The following SHISA6 variants were observed in gnomAD, a reference collection of about 807,000 sequenced individuals.
The protein encoded by SHISA6 is shisa family member 6, also known as protein shisa-6.
In SHISA6, 22 loss-of-function variants were observed where a neutral mutation model predicts 47.9. That is an observed-to-expected ratio of 0.46 (90% CI 0.33 to 0.66). The LOEUF is 0.66. Among genes scored for constraint, SHISA6 ranks in the 30% least tolerant of loss-of-function variants. SHISA6 has a pLI of 0.02. For synonymous variants in SHISA6, 388 were observed against 337.8 expected (o/e 1.15, Z -1.63); for missense variants, 680 against 764.6 (o/e 0.89, Z 1.30).
At chr17:11,344,431 A>C (rs919967015) in intron 2 of SHISA6, among the ~76,000 whole-genome samples, 6 of 152,146 alleles carry the variant, frequency 3.9e-5, no homozygotes, top group African/African-American at 1.4e-4. Flanking sequence ...TTACTCCTAT[A>C]TCTTATTCAA....
At chr17:11,470,297 CAG>C (rs1481726419) in intron 3 of SHISA6, among the ~76,000 whole-genome samples, 71 of 152,330 alleles carry the variant, frequency 4.7e-4, no homozygotes, top group African/African-American at 1.7e-3. Context: ...TGGACCAACT[CAG>C]AGCATTTCTG....
At chr17:11,384,729 A>T (rs746778786) in intron 3 of SHISA6, among the ~76,000 whole-genome samples, 3 of 152,156 alleles carry the variant, frequency 2.0e-5, no homozygotes, top group African/African-American at 7.2e-5. Flanking sequence ...CATGGAGGTG[A>T]TGATGCGAGT....
At chr17:11,400,819 GAC>G (rs1446767864) in intron 3 of SHISA6, among the ~76,000 whole-genome samples, 1 of 152,054 alleles carries the variant, frequency 6.6e-6, no homozygotes, top group Admixed American at 6.5e-5. Flanking sequence ...CATCCATAAG[GAC>G]TGAAATGTTT....
chr17:11,416,425 T>G (rs1210054999), intron 3 of SHISA6, among the ~76,000 whole-genome samples: 2 of 152,188 alleles, frequency 1.3e-5, no homozygotes, highest in Non-Finnish European at 2.9e-5. Flanking sequence ...TGCAGAACTA[T>G]TCAGTGGCTG....
intron 3 of SHISA6, among the ~76,000 whole-genome samples, chr17:11,504,813 A>C (rs1266322649): frequency 6.6e-6 from 1 of 152,154 alleles, no homozygotes; most frequent in Non-Finnish European, 1.5e-5. Flanking sequence ...AGGACTGAAA[A>C]GGAGCTTCAG....
At chr17:11,467,391 C>T (rs1915834670) in intron 3 of SHISA6, among the ~76,000 whole-genome samples, 1 of 152,164 alleles carries the variant, frequency 6.6e-6, no homozygotes, top group African/African-American at 2.4e-5. Context: ...TTACCTTGAT[C>T]ATAGAATGAC....
chr17:11,427,601 G>GTTAATTAACTAATTAGTTAA (rs1399219075), intron 3 of SHISA6, among the ~76,000 whole-genome samples: 2 of 152,048 alleles, frequency 1.3e-5, no homozygotes, highest in Non-Finnish European at 2.9e-5. Context: ...ACATCCTCAA[G>GTTAATTAACTAATTAGTTAA]TTAATTAACT....
chr17:11,517,572 A>C (rs1378502768), intron 3 of SHISA6, among the ~76,000 whole-genome samples: 1 of 152,128 alleles, frequency 6.6e-6, no homozygotes, highest in Non-Finnish European at 1.5e-5. Context: ...GTACAGTCAC[A>C]GCTCAGTGCA....
At chr17:11,512,019 G>A (rs1434950315) in intron 3 of SHISA6, among the ~76,000 whole-genome samples, 1 of 152,202 alleles carries the variant, frequency 6.6e-6, no homozygotes, top group Non-Finnish European at 1.5e-5. Context: ...CCTCACCACT[G>A]TGACCCTTAG....
At chr17:11,352,647 G>A (rs551453684) in intron 2 of SHISA6, among the ~76,000 whole-genome samples, 6 of 152,292 alleles carry the variant, frequency 3.9e-5, no homozygotes, top group East Asian at 3.9e-4. Context: ...GAGCACCAAC[G>A]TTCCAGCGAT....
intron 3 of SHISA6, among the ~76,000 whole-genome samples, chr17:11,539,286 T>G (rs890063461): frequency 2.0e-5 from 3 of 152,220 alleles, no homozygotes; most frequent in African/African-American, 2.4e-5. Flanking sequence ...ATCCAGCCAT[T>G]GTTTATGCCT....
At chr17:11,365,933 G>A (rs1041849277) in intron 2 of SHISA6, among the ~76,000 whole-genome samples, 1 of 152,206 alleles carries the variant, frequency 6.6e-6, no homozygotes, top group Non-Finnish European at 1.5e-5. Flanking sequence ...AAATCTAAAT[G>A]ATTAACAAGA....
At chr17:11,338,866 G>A (rs1218264730) in intron 2 of SHISA6, among the ~76,000 whole-genome samples, 5 of 152,140 alleles carry the variant, frequency 3.3e-5, no homozygotes, top group African/African-American at 1.2e-4. Context: ...ATGTTGCACT[G>A]CTTAAATTGT....
At chr17:11,521,775 C>T (rs1233192606) in intron 3 of SHISA6, among the ~76,000 whole-genome samples, 1 of 152,116 alleles carries the variant, frequency 6.6e-6, no homozygotes, top group African/African-American at 2.4e-5. Context: ...TGCATTCCAG[C>T]TTGGGTGACA....
intron 2 of SHISA6, among the ~76,000 whole-genome samples, chr17:11,338,695 C>A (rs746623905): frequency 6.6e-6 from 1 of 152,002 alleles, no homozygotes; most frequent in African/African-American, 2.4e-5. Context: ...GCATTACAGG[C>A]GTGAGCCACT....
intron 5 of SHISA6, among the ~76,000 whole-genome samples, chr17:11,556,900 A>G (rs1009407070): frequency 6.6e-6 from 1 of 152,182 alleles, no homozygotes; most frequent in Non-Finnish European, 1.5e-5. Context: ...AAGTTCAAGT[A>G]GGTTTGTAGC....
intron 2 of SHISA6, among the ~76,000 whole-genome samples, chr17:11,298,208 C>A (rs1384731999): frequency 6.6e-6 from 1 of 152,192 alleles, no homozygotes; most frequent in Non-Finnish European, 1.5e-5. Context: ...TGAACCTGAG[C>A]GTCTTCATTC....
chr17:11,334,056 G>C (rs960241894), intron 2 of SHISA6, among the ~76,000 whole-genome samples: 1 of 152,164 alleles, frequency 6.6e-6, no homozygotes, highest in African/African-American at 2.4e-5. Flanking sequence ...GCAACAGTCA[G>C]TAAAGTGTGT....
intron 3 of SHISA6, among the ~76,000 whole-genome samples, chr17:11,466,783 A>G (rs1450027584): frequency 6.6e-6 from 1 of 152,180 alleles, no homozygotes; most frequent in Non-Finnish European, 1.5e-5. Flanking sequence ...CTGGAAATTC[A>G]TTGGCAATTG....
Sources: gnomAD v4.1 joint callset for allele counts (sites outside exome capture counted in the v4.1 genomes callset) on GRCh38, gnomAD v4.1.1 for gene constraint, MANE v1.5 for transcripts, NCBI Gene and HGNC (gene_info 2026-07-23, HGNC 2026-07-21) for gene names.